FMN2: variants seen among roughly 807,000 people sequenced by gnomAD.
FMN2 encodes the protein formin 2.
A neutral mutation model predicts 142.3 loss-of-function variants in FMN2; 51 were observed. That is an observed-to-expected ratio of 0.36 (90% confidence interval 0.29 to 0.45). FMN2 has a LOEUF of 0.45. FMN2 is among the 20% of genes least tolerant of loss of function. FMN2 has a pLI of 1.00. For missense variants in FMN2, 1,936 were observed against 2,122.8 expected (o/e 0.91, Z 1.73); for synonymous variants, 882 against 869.8 (o/e 1.01, Z -0.25).
intron 2 of FMN2, among the ~76,000 whole-genome samples, chr1:240,127,219 G>A (rs1056690069): frequency 6.6e-6 from 1 of 151,758 alleles, no homozygotes; most frequent in Non-Finnish European, 1.5e-5. Flanking sequence ...CGCCTCCTGG[G>A]TTCAAGCAAT....
intron 14 of FMN2, among the ~76,000 whole-genome samples, chr1:240,386,319 A>C (rs934851325): frequency 6.6e-6 from 1 of 152,212 alleles, no homozygotes; most frequent in African/African-American, 2.4e-5. Context: ...TGGAATGCAC[A>C]TTCATAGCTA....
chr1:240,389,333 A>G (rs1007583304), intron 14 of FMN2, among the ~76,000 whole-genome samples: 3 of 152,186 alleles, frequency 2.0e-5, no homozygotes, highest in Non-Finnish European at 4.4e-5. Context: ...ATAAATAACA[A>G]TAAGTTGTTG....
At chr1:240,304,942 A>T (rs1670329871) in intron 8 of FMN2, among the ~76,000 whole-genome samples, 2 of 152,170 alleles carry the variant, frequency 1.3e-5, no homozygotes, top group South Asian at 4.1e-4. Flanking sequence ...CCAACAGTAG[A>T]CCCCAAAGTT....
intron 16 of FMN2, among the ~76,000 whole-genome samples, chr1:240,443,270 G>C (rs894491864): frequency 1.3e-5 from 2 of 152,188 alleles, no homozygotes; most frequent in African/African-American, 4.8e-5. Flanking sequence ...AATAGACACA[G>C]ATCAAGTGAT....
At chr1:240,164,793 T>C (rs111556069) in intron 2 of FMN2, among the ~76,000 whole-genome samples, 315 of 152,372 alleles carry the variant, frequency 2.1e-3, no homozygotes, top group Non-Finnish European at 3.7e-3. Flanking sequence ...CACCCACTTA[T>C]AGCATTTATA....
chr1:240,178,445 TTC>T (rs147116992), intron 3 of FMN2, among the ~76,000 whole-genome samples: 28,685 of 142,068 alleles, frequency 0.2, 2,726 homozygotes, highest in African/African-American at 0.26. Flanking sequence ...CTTCTTCTTC[TTC>T]TTTTTTTTTT....
At chr1:240,174,293 T>C (rs1367835005) in intron 2 of FMN2, among the ~76,000 whole-genome samples, 1 of 152,140 alleles carries the variant, frequency 6.6e-6, no homozygotes, top group Non-Finnish European at 1.5e-5. Flanking sequence ...ATAGGTATCA[T>C]TACCACTAAC....
At chr1:240,438,480 G>A (rs546154058) in intron 16 of FMN2, among the ~76,000 whole-genome samples, 40 of 152,256 alleles carry the variant, frequency 2.6e-4, no homozygotes, top group African/African-American at 7.9e-4. Context: ...AGGAAACCAC[G>A]TAAAAGTGAC....
rs528461421 is a variant in FMN2, at chr1:240,334,605, C to T, written c.4765+376C>T. ...TCCTTCCCCATTTTCCCTTGGTGTACTTGCCCAGGATTTTCTGGCTTATGA... is the reference window on the plus strand; with the variant it reads ...TCCTTCCCCATTTTCCCTTGGTGTATTTGCCCAGGATTTTCTGGCTTATGA... On this transcript the variant is annotated intron_variant, in intron 13 of 17. Coordinates refer to ENST00000319653, the MANE Select transcript of FMN2 (RefSeq NM_020066.5). Among the ~76,000 whole-genome samples the T allele has an allele frequency of 3.3e-5, 5 of 152,102 alleles. No individual in the cohort carries two copies. The South Asian group carries it at 1.0e-3, about 32-fold the overall frequency.
At chr1:240,452,170 G>A (rs998426499) in intron 16 of FMN2, among the ~76,000 whole-genome samples, 12 of 152,118 alleles carry the variant, frequency 7.9e-5, no homozygotes, top group South Asian at 2.1e-4. Context: ...CAGCCTGGGC[G>A]ACAGAGCAAG....
At chr1:240,309,243 A>C (rs971917240) in intron 8 of FMN2, among the ~76,000 whole-genome samples, 4 of 152,084 alleles carry the variant, frequency 2.6e-5, no homozygotes, top group African/African-American at 9.7e-5. Flanking sequence ...TGGGGTGCAG[A>C]TTTCATTGGA....
At chr1:240,346,657 G>A (rs141761626) in intron 13 of FMN2, among the ~76,000 whole-genome samples, 46 of 152,250 alleles carry the variant, frequency 3.0e-4, no homozygotes, top group African/African-American at 9.4e-4. Context: ...TACATGTAAC[G>A]TACATGTTAT....
At chr1:240,163,147 C>T (rs1043686349) in intron 2 of FMN2, among the ~76,000 whole-genome samples, 9 of 151,958 alleles carry the variant, frequency 5.9e-5, no homozygotes, top group South Asian at 2.1e-4. Flanking sequence ...TGAGATTTAC[C>T]GAAGATGTGA....
intron 6 of FMN2, among the ~76,000 whole-genome samples, chr1:240,216,854 C>T (rs1288708246): frequency 6.6e-6 from 1 of 151,848 alleles, no homozygotes; most frequent in Non-Finnish European, 1.5e-5. Context: ...GAGGCTGAGG[C>T]AGGAGAATTG....
At chr1:240,369,147 C>T (rs2103066931) in intron 14 of FMN2, among the ~76,000 whole-genome samples, 1 of 152,276 alleles carries the variant, frequency 6.6e-6, no homozygotes, top group Non-Finnish European at 1.5e-5. Flanking sequence ...CCACTTCCCT[C>T]CACCTCCTGC....
chr1:240,295,693 C>T (rs1016989499), intron 8 of FMN2, among the ~76,000 whole-genome samples: 2 of 152,140 alleles, frequency 1.3e-5, no homozygotes, highest in Non-Finnish European at 2.9e-5. Context: ...GGTTTTATAT[C>T]TTGTCTCTTA....
chr1:240,194,778 A>G (rs1020710), intron 4 of FMN2, among the ~76,000 whole-genome samples: 40,327 of 152,228 alleles, frequency 0.26, 6,038 homozygotes, highest in South Asian at 0.36. Flanking sequence ...TGTTTGCTCA[A>G]GCCTTTACAG....
At chr1:240,277,525 C>CTTTTTTTT (rs34678861) in intron 7 of FMN2, among the ~76,000 whole-genome samples, 48 of 66,146 alleles carry the variant, frequency 7.3e-4, no homozygotes, top group African/African-American at 1.5e-3. Flanking sequence ...GCATCTTCTT[C>CTTTTTTTT]TTTTTTTTTT....
intron 15 of FMN2, among the ~76,000 whole-genome samples, chr1:240,407,370 G>T (rs1674246043): frequency 6.6e-6 from 1 of 152,008 alleles, no homozygotes; most frequent in African/African-American, 2.4e-5. Context: ...AACTCCCAAC[G>T]TCAGGTAATC....
Sources: gnomAD v4.1 joint callset for allele counts (sites outside exome capture counted in the v4.1 genomes callset) on GRCh38, gnomAD v4.1.1 for gene constraint, MANE v1.5 for transcripts, NCBI Gene and HGNC (gene_info 2026-07-23, HGNC 2026-07-21) for gene names.